The following PTPRT variants were observed in gnomAD, a reference collection of about 807,000 sequenced individuals.
PTPRT encodes the protein protein tyrosine phosphatase receptor type T.
A neutral mutation model predicts 176.8 loss-of-function variants in PTPRT; 56 were observed. That is an observed-to-expected ratio of 0.32 (90% CI 0.26 to 0.40). The LOEUF (loss-of-function observed/expected upper bound fraction) is 0.40. PTPRT is among the 10% of genes least tolerant of loss of function. The pLI is 1.00. For synonymous variants in PTPRT, 783 were observed against 739.0 expected (o/e 1.06, Z -0.96); for missense variants, 1,540 against 1,908.2 (o/e 0.81, Z 3.60).
intron 6 of PTPRT, among the ~76,000 whole-genome samples, chr20:42,701,695 C>T (rs2075976030): frequency 6.6e-6 from 1 of 152,098 alleles, no homozygotes; most frequent in Non-Finnish European, 1.5e-5. Context: ...CCTATAGAGA[C>T]TGGATGTCCG....
Position 43,110,532 on chromosome 20 carries a change from G to C in PTPRT, c.88+79114C>G, listed in dbSNP as rs73279075. Among the ~76,000 whole-genome samples, 1,204 of 152,332 alleles carry C rather than the reference G, an allele frequency of 7.9e-3. 14 individuals carry two copies. Among genetic ancestry groups the C allele is most frequent in the African/African-American group, 0.025 (1,059 of 41,576 alleles). ...GAACAGTAACAGGGAGGGGACAGAGGGGGGCTTCCTGGGTAAAGACGCTAT... is the reference window on the plus strand; with the variant it reads ...GAACAGTAACAGGGAGGGGACAGAGCGGGGCTTCCTGGGTAAAGACGCTAT... On this transcript the variant is annotated intron_variant, in intron 1 of 30. Transcript: ENST00000373187.
chr20:42,181,842 C>G (rs757624932), intron 16 of PTPRT, among the ~76,000 whole-genome samples: 5 of 151,784 alleles, frequency 3.3e-5, no homozygotes, highest in Admixed American at 1.3e-4. Flanking sequence ...AATGAATAAA[C>G]ATTTGCATAC....
intron 15 of PTPRT, among the ~76,000 whole-genome samples, chr20:42,211,067 T>C (rs988952718): frequency 1.3e-5 from 2 of 152,138 alleles, no homozygotes; most frequent in African/African-American, 4.8e-5. Flanking sequence ...CTCTAATAAA[T>C]GGTGCTGGGT....
At chr20:42,419,990 G>A (rs541303162) in intron 9 of PTPRT, among the ~76,000 whole-genome samples, 8 of 152,222 alleles carry the variant, frequency 5.3e-5, no homozygotes, top group Admixed American at 3.3e-4. Flanking sequence ...AAAAAGCCAC[G>A]GCACAGGTTT....
intron 6 of PTPRT, among the ~76,000 whole-genome samples, chr20:42,755,334 T>G (rs1417381738): frequency 6.6e-6 from 1 of 152,282 alleles, no homozygotes; most frequent in South Asian, 2.1e-4. Context: ...CCACCCATAC[T>G]TTGACAAAGG....
intron 9 of PTPRT, among the ~76,000 whole-genome samples, chr20:42,403,675 G>T (rs1313557062): frequency 3.9e-5 from 6 of 152,140 alleles, no homozygotes; most frequent in African/African-American, 1.4e-4. Context: ...TCAATGACCA[G>T]ATCTGTAGAC....
intron 2 of PTPRT, among the ~76,000 whole-genome samples, chr20:42,873,781 T>G (rs1370624445): frequency 1.3e-5 from 2 of 152,222 alleles, no homozygotes; most frequent in Non-Finnish European, 2.9e-5. Flanking sequence ...ACCACCAGAT[T>G]AGATATGGCA....
chr20:43,126,354 GAGAAAAAAAAAAGAA>G (rs1260146024), intron 1 of PTPRT, among the ~76,000 whole-genome samples: 4 of 138,424 alleles, frequency 2.9e-5, no homozygotes, highest in African/African-American at 1.1e-4. Context: ...TCGTTTCAAA[GAGAAAAAAAAAAGAA>G]AGAAAAAAAA....
chr20:42,219,164 G>A (rs1282646169), intron 15 of PTPRT, among the ~76,000 whole-genome samples: 3 of 152,164 alleles, frequency 2.0e-5, no homozygotes, highest in Non-Finnish European at 2.9e-5. Context: ...TAGAGATGAC[G>A]GGTCCCTGCA....
intron 7 of PTPRT, among the ~76,000 whole-genome samples, chr20:42,622,546 A>T (rs775411851): frequency 6.6e-6 from 1 of 152,104 alleles, no homozygotes; most frequent in Non-Finnish European, 1.5e-5. Flanking sequence ...GGCCAGACTT[A>T]AATTTTAAGG....
At chr20:43,003,823 C>T (rs1182413870) in intron 1 of PTPRT, among the ~76,000 whole-genome samples, 1 of 152,096 alleles carries the variant, frequency 6.6e-6, no homozygotes, top group East Asian at 1.9e-4. Flanking sequence ...AAGAGGAAAG[C>T]TTCCATTCTT....
At chr20:43,139,518 T>C (rs1055345350) in intron 1 of PTPRT, among the ~76,000 whole-genome samples, 2 of 152,198 alleles carry the variant, frequency 1.3e-5, no homozygotes, top group Admixed American at 6.5e-5. Flanking sequence ...CCACCCGCAG[T>C]GGCAGTCCAC....
chr20:42,543,553 A>T (rs2072620735), intron 7 of PTPRT, among the ~76,000 whole-genome samples: 1 of 152,000 alleles, frequency 6.6e-6, no homozygotes, highest in Non-Finnish European at 1.5e-5. Flanking sequence ...TGAGGGTTAG[A>T]ATCAACTTCT....
At chr20:42,555,707 T>C (rs2145630702) in intron 7 of PTPRT, among the ~76,000 whole-genome samples, 1 of 152,298 alleles carries the variant, frequency 6.6e-6, no homozygotes, top group South Asian at 2.1e-4. Flanking sequence ...AAATGGAATA[T>C]GAGCAGGTAT....
chr20:42,866,890 T>C, intron 2 of PTPRT, among the ~76,000 whole-genome samples: 1 of 152,244 alleles, frequency 6.6e-6, no homozygotes. Context: ...CTGTTACCAC[T>C]AGCTCCTTCA....
intron 1 of PTPRT, among the ~76,000 whole-genome samples, chr20:43,092,680 C>T (rs959509259): frequency 5.3e-5 from 8 of 152,156 alleles, no homozygotes; most frequent in Non-Finnish European, 7.3e-5. Flanking sequence ...TGAATTTTGA[C>T]GCAAGACACT....
chr20:43,112,705 G>A (rs1354727682), intron 1 of PTPRT, among the ~76,000 whole-genome samples: 2 of 152,200 alleles, frequency 1.3e-5, no homozygotes, highest in East Asian at 1.9e-4. Flanking sequence ...TGATTGAATC[G>A]AAACTCAAAA....
At chr20:42,750,532 G>C (rs1040500240) in intron 6 of PTPRT, among the ~76,000 whole-genome samples, 1 of 152,248 alleles carries the variant, frequency 6.6e-6, no homozygotes, top group East Asian at 1.9e-4. Context: ...CCCTACTCTT[G>C]ATCCTAACAA....
intron 2 of PTPRT, among the ~76,000 whole-genome samples, chr20:42,816,212 G>A (rs2077782361): frequency 6.6e-6 from 1 of 152,190 alleles, no homozygotes; most frequent in African/African-American, 2.4e-5. Flanking sequence ...GAAGTTGATA[G>A]CTCAGATGCT....
Sources: gnomAD v4.1 joint callset for allele counts (sites outside exome capture counted in the v4.1 genomes callset) on GRCh38, gnomAD v4.1.1 for gene constraint, MANE v1.5 for transcripts, NCBI Gene and HGNC (gene_info 2026-07-23, HGNC 2026-07-21) for gene names.